GMCL1: variants seen among roughly 807,000 people sequenced by gnomAD.
GMCL1 encodes germ cell-less 1, spermatogenesis associated.
GMCL1 carries 54 observed loss-of-function variants against 75.5 expected under a neutral mutation model. The observed-to-expected ratio is 0.71, with a 90% CI of 0.57 to 0.90. GMCL1 has a LOEUF of 0.90. Among genes scored for constraint, GMCL1 ranks in the 40% least tolerant of loss-of-function variants. The pLI, the probability that GMCL1 is intolerant of heterozygous loss-of-function variation, is 0.00. For missense variants in GMCL1, 537 were observed against 622.7 expected (o/e 0.86, Z 1.47); for synonymous variants, 210 against 209.6 (o/e 1.00, Z -0.02).
chr2:69,833,212 A>T (rs1304833141), intron 1 of GMCL1, among the ~76,000 whole-genome samples: 1 of 152,220 alleles, frequency 6.6e-6, no homozygotes, highest in Admixed American at 6.5e-5. Flanking sequence ...TGGAATGGAA[A>T]GTTTTTAAGG....
intron 1 of GMCL1, among the ~76,000 whole-genome samples, chr2:69,832,912 T>G (rs1470741691): frequency 6.6e-6 from 1 of 152,240 alleles, no homozygotes; most frequent in Non-Finnish European, 1.5e-5. Context: ...TAGTAGTCAG[T>G]ACTTCTAAGG....
At chr2:69,850,675 A>AT (rs1675293066) in intron 8 of GMCL1, among the ~76,000 whole-genome samples, 1 of 152,202 alleles carries the variant, frequency 6.6e-6, no homozygotes, top group Admixed American at 6.5e-5. Context: ...GTCTTAACAT[A>AT]TATTACATAG....
Position 69,863,989 on chromosome 2 carries a change from A to G in GMCL1, c.1143-911A>G, listed in dbSNP as rs1675732962. On this transcript the variant is annotated intron_variant, in intron 10 of 13. Coordinates refer to ENST00000282570, the MANE Select transcript of GMCL1 (RefSeq NM_178439.5). ...CCAACAAGCTTCCACTCGGGCACAA[A>G]TAATATTTACTCTCTAATGATCCCC... 2.0e-5 allele frequency among the ~76,000 whole-genome samples: 3 copies of G among 152,034 alleles called. No homozygotes were observed. The South Asian group carries it at 6.2e-4, about 32-fold the overall frequency.
At chr2:69,855,675 G>T (rs772566287) in intron 9 of GMCL1, among the ~76,000 whole-genome samples, 5 of 152,046 alleles carry the variant, frequency 3.3e-5, no homozygotes, top group Non-Finnish European at 5.9e-5. Context: ...AAAACTTAGA[G>T]TTAACTCTTC....
chr2:69,845,470 C>T (rs369858379), intron 6 of GMCL1, among the ~76,000 whole-genome samples: 27 of 152,312 alleles, frequency 1.8e-4, no homozygotes, highest in African/African-American at 5.8e-4. Context: ...AGATGGGGGC[C>T]TTGGTATGTT....
intron 13 of GMCL1, among the ~76,000 whole-genome samples, chr2:69,875,561 A>C (rs1265668758): frequency 2.0e-5 from 3 of 152,096 alleles, no homozygotes; most frequent in African/African-American, 7.2e-5. Context: ...TTTGTGGACC[A>C]TTGATGTCTT....
At chr2:69,854,734 C>A in intron 8 of GMCL1, 89 bp from the exon 9 acceptor site, 3 of 992,516 alleles carry the variant, frequency 3.0e-6, no homozygotes, top group Non-Finnish European at 3.0e-6. Context: ...TTCTAATAGA[C>A]ATGAATGTAC....
chr2:69,840,364 C>T (rs935979592), intron 3 of GMCL1, among the ~76,000 whole-genome samples: 10 of 151,402 alleles, frequency 6.6e-5, no homozygotes, highest in Non-Finnish European at 8.8e-5. Context: ...GAGCCGAGAT[C>T]GCGCCACTGC....
At chr2:69,853,569 T>A (rs1675380306) in intron 8 of GMCL1, among the ~76,000 whole-genome samples, 1 of 152,164 alleles carries the variant, frequency 6.6e-6, no homozygotes, top group South Asian at 2.1e-4. Context: ...GTTTTTCTCC[T>A]TATCCTTAAT....
Position 69,879,146 on chromosome 2 carries a change from C to T in GMCL1, c.*142C>T. On this transcript the variant is annotated 3_prime_UTR_variant, in exon 14 of 14. Transcript: ENST00000282570. Reference sequence around the variant, plus strand: ...GAAGGTGACTAACAATGACAAAGGCCTTATGAACTGTACAGACAATACAGA... The same window carrying T: ...GAAGGTGACTAACAATGACAAAGGCTTTATGAACTGTACAGACAATACAGA... 3 of 615,650 alleles carry T rather than the reference C, an allele frequency of 4.9e-6. No individual in the cohort carries two copies. Among genetic ancestry groups the T allele is most frequent in the South Asian group, 2.0e-5 (1 of 51,148 alleles). The allele number at this position is 615,650 out of a possible 1,614,324, so 38.1% of individuals were successfully genotyped here. A position where few individuals can be genotyped will look rare whatever the true frequency, so the allele number is the denominator to read the frequency against.
chr2:69,846,767 A>C (rs1199901234), intron 6 of GMCL1, among the ~76,000 whole-genome samples: 1 of 152,208 alleles, frequency 6.6e-6, no homozygotes, highest in Non-Finnish European at 1.5e-5. Context: ...GTTTATGACT[A>C]AGCAATTCTC....
chr2:69,831,022 G>C (rs937966115), intron 1 of GMCL1, among the ~76,000 whole-genome samples: 29 of 152,078 alleles, frequency 1.9e-4, no homozygotes, highest in Non-Finnish European at 1.5e-5. Flanking sequence ...TGGTTCAAGC[G>C]ATTCTTGTGC....
chr2:69,870,040 T>C (rs1573372739), intron 12 of GMCL1, among the ~76,000 whole-genome samples, 176 bp downstream of exon 12: 3 of 148,746 alleles, frequency 2.0e-5, no homozygotes, highest in South Asian at 2.2e-4. Context: ...ATCAGAATCA[T>C]AGGATCTAGT....
intron 1 of GMCL1, among the ~76,000 whole-genome samples, chr2:69,836,253 T>C (rs553835344): frequency 6.6e-6 from 1 of 152,336 alleles, no homozygotes; most frequent in South Asian, 2.1e-4. Context: ...ATTTGTTTTC[T>C]AACTTTCAGA....
intron 8 of GMCL1, among the ~76,000 whole-genome samples, chr2:69,851,810 T>G (rs1675328061): frequency 6.6e-6 from 1 of 152,186 alleles, no homozygotes; most frequent in Non-Finnish European, 1.5e-5. Flanking sequence ...TTCTTAGTTT[T>G]AAAATTTCAT....
At chr2:69,830,694 G>A (rs561892036) in intron 1 of GMCL1, among the ~76,000 whole-genome samples, 8 of 151,322 alleles carry the variant, frequency 5.3e-5, no homozygotes, top group Non-Finnish European at 1.2e-4. Context: ...CAAGTTTCTA[G>A]TAGTTGATGA....
intron 8 of GMCL1, among the ~76,000 whole-genome samples, chr2:69,851,385 G>A (rs1410437361): frequency 2.0e-5 from 3 of 152,184 alleles, no homozygotes; most frequent in Admixed American, 6.5e-5. Context: ...GCTGAGGTGG[G>A]CAGATCACAA....
intron 9 of GMCL1, among the ~76,000 whole-genome samples, chr2:69,858,102 A>G (rs552579817): frequency 6.6e-6 from 1 of 152,314 alleles, no homozygotes; most frequent in African/African-American, 2.4e-5. Context: ...GCTGTAGACT[A>G]GATCACAGCT....
intron 4 of GMCL1, among the ~76,000 whole-genome samples, chr2:69,842,134 A>G (rs1472633178): frequency 6.6e-6 from 1 of 152,178 alleles, no homozygotes; most frequent in Non-Finnish European, 1.5e-5. Context: ...GCATTCGTCC[A>G]AGGGAGGAAA....
Sources: gnomAD v4.1 joint callset for allele counts (sites outside exome capture counted in the v4.1 genomes callset) on GRCh38, gnomAD v4.1.1 for gene constraint, MANE v1.5 for transcripts, NCBI Gene and HGNC (gene_info 2026-07-23, HGNC 2026-07-21) for gene names.